Variants in CHD1L observed in about 807,000 individuals in gnomAD.
CHD1L encodes ATP-dependent chromatin remodeler CHD1L.
In CHD1L, 118 loss-of-function variants were observed where a neutral mutation model predicts 115.9. The observed-to-expected ratio is 1.02, with a 90% CI of 0.88 to 1.19. The LOEUF is 1.19. Ranked by LOEUF, CHD1L falls within the 50% of genes most tolerant of loss-of-function variation. The pLI, the probability that CHD1L is intolerant of heterozygous loss-of-function variation, is 0.00. For missense variants in CHD1L, 1,179 were observed against 1,065.3 expected (o/e 1.11, Z -1.49); for synonymous variants, 411 against 387.1 (o/e 1.06, Z -0.72).
chr1:147,204,769 AT>A, the CHD1L span: 3 of 1,566,708 alleles, frequency 1.9e-6, no homozygotes, highest in Non-Finnish European at 1.8e-6. Context: ...GTTGATAACC[AT>A]TTTTTTCATT....
intron 6 of CHD1L, among the ~76,000 whole-genome samples, chr1:147,261,400 A>AGTTT (rs1671865006): frequency 6.2e-5 from 1 of 16,202 alleles, no homozygotes; most frequent in Non-Finnish European, 1.1e-4. Context: ...GCTGCATGAC[A>AGTTT]CTTTTTTTTT....
At chr1:147,245,194 T>C (rs1553933109) in intron 1 of CHD1L, among the ~76,000 whole-genome samples, 1 of 152,202 alleles carries the variant, frequency 6.6e-6, no homozygotes, top group African/African-American at 2.4e-5. Context: ...AAAGACTACC[T>C]TTCCCAGACC....
chr1:147,215,709 T>G, the CHD1L span: 1 of 1,407,296 alleles, frequency 7.1e-7, no homozygotes. Flanking sequence ...ATTCATTTAC[T>G]TGGCAAACAA....
chr1:147,187,246 C>G, the CHD1L span: 6 of 1,582,696 alleles, frequency 3.8e-6, no homozygotes, highest in Non-Finnish European at 5.1e-6. Flanking sequence ...CTCCACATAC[C>G]TAAAGTAGAA....
At chr1:147,223,949 C>G in the CHD1L span, 1 of 381,382 alleles carries the variant, frequency 2.6e-6, no homozygotes, top group Admixed American at 3.2e-5. Flanking sequence ...CATCGAGACA[C>G]CACCCGTCTT....
At chr1:147,216,022 T>G in the CHD1L span, 1 of 1,087,162 alleles carries the variant, frequency 9.2e-7, no homozygotes, top group African/African-American at 1.6e-5. Context: ...TCTGAAAAAG[T>G]TTTCTGAAAG....
chr1:147,248,245 T>C (rs782564956), intron 1 of CHD1L, among the ~76,000 whole-genome samples: 3 of 152,158 alleles, frequency 2.0e-5, no homozygotes, highest in Non-Finnish European at 4.4e-5. Flanking sequence ...TTCGCTCTTG[T>C]TGCCCAGGCT....
chr1:147,273,833 T>A (rs1342701311), intron 12 of CHD1L, among the ~76,000 whole-genome samples: 2 of 152,224 alleles, frequency 1.3e-5, no homozygotes, highest in Non-Finnish European at 2.9e-5. Flanking sequence ...TGTTGTAGTT[T>A]TGCAGTATTT....
chr1:147,281,964 C>T (rs1681062938), intron 15 of CHD1L, among the ~76,000 whole-genome samples: 1 of 152,228 alleles, frequency 6.6e-6, no homozygotes, highest in Admixed American at 6.5e-5. Context: ...TTAACGTCCA[C>T]TCTCCTAGTA....
At chr1:147,203,208 C>A in the CHD1L span, 5 of 810,198 alleles carry the variant, frequency 6.2e-6, no homozygotes, top group South Asian at 5.6e-5. Context: ...AATAAGAAAA[C>A]ATCACGCGAT....
At chr1:147,272,429 GT>G in intron 12 of CHD1L, 148 bp downstream of exon 12, 2 of 579,776 alleles carry the variant, frequency 3.4e-6, no homozygotes, top group South Asian at 2.5e-5. Context: ...ATCAAGCATG[GT>G]GCTGTTTTCT....
the CHD1L span, among the ~76,000 whole-genome samples, chr1:147,202,785 T>C: frequency 6.6e-6 from 1 of 152,172 alleles, no homozygotes; most frequent in African/African-American, 2.4e-5. Context: ...TGATTTCATC[T>C]TTTTCTCCAA....
chr1:147,188,069 G>A, the CHD1L span, among the ~76,000 whole-genome samples: 1 of 152,168 alleles, frequency 6.6e-6, no homozygotes, highest in Non-Finnish European at 1.5e-5. Context: ...CAGAGGACCT[G>A]ATAGAGGGTC....
Position 147,256,513 on chromosome 1 carries a change from G to A in CHD1L, c.463-18G>A, listed in dbSNP as rs200307381. 470 of 1,611,494 alleles carry A rather than the reference G, an allele frequency of 2.9e-4. 5 individuals are homozygous for A. The Middle Eastern group carries it at 6.4e-3, about 22-fold the overall frequency. ...TTATCAATGCCAGCCTTTATAACGT[G>A]TCTTCCTAATTTTTCAGATTTGCTT... On this transcript the variant is annotated intron_variant, in intron 4 of 22. Transcript: ENST00000369258.
chr1:147,275,799 A>T (rs1289528029), intron 13 of CHD1L, among the ~76,000 whole-genome samples: 1 of 149,182 alleles, frequency 6.7e-6, no homozygotes, highest in East Asian at 2.0e-4. Context: ...AAAAAAAAGA[A>T]AGATAGATGT....
the CHD1L span, among the ~76,000 whole-genome samples, chr1:147,191,913 G>A: frequency 2.0e-5 from 3 of 152,060 alleles, no homozygotes; most frequent in Non-Finnish European, 4.4e-5. Context: ...GGTTACTGTA[G>A]CCTTGTAGTA....
chr1:147,228,362 G>C, the CHD1L span, among the ~76,000 whole-genome samples: 1 of 152,106 alleles, frequency 6.6e-6, no homozygotes, highest in Non-Finnish European at 1.5e-5. Context: ...TGGCTACATA[G>C]TATTCCATGG....
At chr1:147,187,130 T>TG in the CHD1L span, 2 of 1,614,070 alleles carry the variant, frequency 1.2e-6, no homozygotes, top group Non-Finnish European at 8.5e-7. Flanking sequence ...AATGCCAGCT[T>TG]GGGGTCAGTG....
chr1:147,261,935 C>T (rs1269873327), intron 6 of CHD1L, among the ~76,000 whole-genome samples: 2 of 152,088 alleles, frequency 1.3e-5, no homozygotes, highest in African/African-American at 4.8e-5. Context: ...GTGGCTCACG[C>T]CTGTAATCCC....
Sources: allele counts gnomAD v4.1 joint callset (sites outside exome capture counted in the v4.1 genomes callset), GRCh38; gene constraint gnomAD v4.1.1; transcripts MANE v1.5; gene names NCBI Gene and HGNC (gene_info 2026-07-23, HGNC 2026-07-21).